Variants in KCNMA1 observed in about 807,000 individuals in gnomAD.
KCNMA1 encodes the protein potassium calcium-activated channel subfamily M alpha 1.
Under a neutral mutation model 140.0 loss-of-function variants are expected in KCNMA1, and 29 were observed. The observed-to-expected ratio is 0.21, with a 90% CI of 0.15 to 0.28. The LOEUF (loss-of-function observed/expected upper bound fraction) is 0.28. KCNMA1 is among the 10% of genes least tolerant of loss of function. KCNMA1 has a pLI of 1.00. For missense variants in KCNMA1, 880 were observed against 1,602.2 expected (o/e 0.55, Z 7.70); for synonymous variants, 612 against 611.9 (o/e 1.00, Z 0.00).
intron 1 of KCNMA1, among the ~76,000 whole-genome samples, chr10:77,616,020 C>A (rs527693882): frequency 2.0e-5 from 3 of 152,310 alleles, no homozygotes; most frequent in African/African-American, 2.4e-5. Flanking sequence ...AGAAAGTGAG[C>A]TTTGCAAGGT....
intron 2 of KCNMA1, among the ~76,000 whole-genome samples, chr10:77,318,726 G>A (rs1361061712): frequency 6.6e-6 from 1 of 152,178 alleles, no homozygotes; most frequent in Non-Finnish European, 1.5e-5. Context: ...CCACCTCTTG[G>A]TATCTTGGTG....
chr10:77,331,030 A>C (rs1465494033), intron 2 of KCNMA1, among the ~76,000 whole-genome samples: 1 of 152,094 alleles, frequency 6.6e-6, no homozygotes, highest in African/African-American at 2.4e-5. Flanking sequence ...ACAGAGCCAC[A>C]CGGAATCTAA....
intron 1 of KCNMA1, among the ~76,000 whole-genome samples, chr10:77,534,487 TTCTC>T (rs1460351102): frequency 1.3e-5 from 2 of 152,196 alleles, no homozygotes; most frequent in African/African-American, 4.8e-5. Flanking sequence ...ACGAGGTCCT[TTCTC>T]TATCCACGTT....
Position 77,010,108 on chromosome 10 carries a change from G to A in KCNMA1, c.2092+1859C>T, listed in dbSNP as rs890541854. ...TTCCTTGATACTCTGTGGGATGAGGGTCTGGCAAATATCCTGTCAGGGGTT... is the reference window on the plus strand; with the variant it reads ...TTCCTTGATACTCTGTGGGATGAGGATCTGGCAAATATCCTGTCAGGGGTT... On this transcript the variant is annotated intron_variant, in intron 18 of 27. Coordinates refer to ENST00000286628, the MANE Select transcript of KCNMA1 (RefSeq NM_001161352.2). Among the ~76,000 whole-genome samples the A allele has an allele frequency of 3.3e-5, 5 of 152,154 alleles. No individual in the cohort carries two copies. In the East Asian group the frequency reaches 7.7e-4, roughly 23 times the overall value.
intron 3 of KCNMA1, among the ~76,000 whole-genome samples, chr10:77,186,371 C>CAAA (rs528329118): frequency 3.7e-5 from 5 of 136,314 alleles, no homozygotes; most frequent in African/African-American, 1.3e-4. Flanking sequence ...CAAAAAAAAA[C>CAAA]AAAAAACAAA....
intron 5 of KCNMA1, among the ~76,000 whole-genome samples, chr10:77,180,278 TG>T (rs2098792912): frequency 2.6e-5 from 4 of 152,336 alleles, no homozygotes; most frequent in Admixed American, 2.6e-4. Context: ...TCATATCTCA[TG>T]GGAATGTTCA....
At chr10:76,921,483 C>T (rs912368645) in intron 23 of KCNMA1, among the ~76,000 whole-genome samples, 8 of 152,158 alleles carry the variant, frequency 5.3e-5, no homozygotes, top group Admixed American at 4.6e-4. Flanking sequence ...TTGGCAACTG[C>T]TGAAACATAA....
intron 5 of KCNMA1, among the ~76,000 whole-genome samples, chr10:77,127,659 G>GAA (rs397804053): frequency 6.6e-6 from 1 of 151,598 alleles, no homozygotes; most frequent in Non-Finnish European, 1.5e-5. Flanking sequence ...GGAGGGGAAA[G>GAA]GGAGAGAACG....
chr10:77,047,488 G>A (rs1279355617), intron 14 of KCNMA1, among the ~76,000 whole-genome samples: 1 of 151,946 alleles, frequency 6.6e-6, no homozygotes, highest in African/African-American at 2.4e-5. Context: ...AGGAACTGAA[G>A]GTAAAGGAAG....
intron 1 of KCNMA1, among the ~76,000 whole-genome samples, chr10:77,446,511 G>A (rs1268315845): frequency 6.6e-6 from 1 of 152,230 alleles, no homozygotes; most frequent in East Asian, 1.9e-4. Flanking sequence ...AGATTCTCAA[G>A]GCCCCGGTCA....
chr10:77,339,295 C>G (rs539516274), intron 2 of KCNMA1, among the ~76,000 whole-genome samples: 2 of 152,160 alleles, frequency 1.3e-5, no homozygotes, highest in African/African-American at 4.8e-5. Flanking sequence ...TTAGAAAATT[C>G]TGCCAAACCC....
Position 76,885,907 on chromosome 10 carries a change from C to G in KCNMA1, c.*1359G>C, listed in dbSNP as rs1321203226. 2 of 985,332 alleles carry G rather than the reference C, an allele frequency of 2.0e-6. No homozygotes were observed. The highest frequency in any genetic ancestry group is 1.2e-4 in the Admixed American group (2 of 16,270). 61.0% of individuals were successfully genotyped at this position (985,332 alleles called of 1,614,324 possible). A position where few individuals can be genotyped will look rare whatever the true frequency, so the allele number is the denominator to read the frequency against. ...GTGTTTGGCTCACTGTTGCACTCTT[C>G]TTATCCCACGTCTCATAATGACAAG... On this transcript the variant is annotated 3_prime_UTR_variant, in exon 28 of 28. Transcript: ENST00000286628.
At chr10:77,448,375 G>C (rs1040178623) in intron 1 of KCNMA1, among the ~76,000 whole-genome samples, 2 of 152,194 alleles carry the variant, frequency 1.3e-5, no homozygotes, top group Non-Finnish European at 2.9e-5. Flanking sequence ...GGGTACACAT[G>C]ACACAGAGAA....
intron 1 of KCNMA1, among the ~76,000 whole-genome samples, chr10:77,567,585 G>A (rs1044934470): frequency 1.3e-5 from 2 of 152,192 alleles, no homozygotes; most frequent in East Asian, 1.9e-4. Context: ...GGAAAGTAAA[G>A]GCTAAAGGGA....
At chr10:77,013,849 T>C (rs1284327141) in intron 17 of KCNMA1, among the ~76,000 whole-genome samples, 2 of 152,166 alleles carry the variant, frequency 1.3e-5, no homozygotes, top group African/African-American at 2.4e-5. Context: ...TGAATTCACA[T>C]AGCCTGGCAC....
Position 76,949,285 on chromosome 10 carries a change from C to T in KCNMA1, c.2566G>A (p.Gly856Ser), listed in dbSNP as rs1407569628. Residue 856 changes from glycine (G) to serine (S), a missense_variant, in exon 22 of 28, where the codon GGC becomes AGC. Gly to Ser is a moderately conservative substitution (Grantham distance 56). Transcript: ENST00000286628. ...IFGDVSSALI[G>S]LRNLVMPLRA... ...AGCGGCATCACCAGGTTCCGGAGGCCGATCAGGGCTGAGCTGACGTCGCCA... is the reference window on the plus strand; with the variant it reads ...AGCGGCATCACCAGGTTCCGGAGGCTGATCAGGGCTGAGCTGACGTCGCCA... The T allele has an allele frequency of 3.1e-6, 5 of 1,613,936 alleles. No homozygotes were observed. The highest frequency in any genetic ancestry group is 3.4e-6 in the Non-Finnish European group (4 of 1,180,022).
At chr10:77,358,409 C>A (rs2093678072) in intron 2 of KCNMA1, among the ~76,000 whole-genome samples, 1 of 152,094 alleles carries the variant, frequency 6.6e-6, no homozygotes, top group Non-Finnish European at 1.5e-5. Flanking sequence ...CTTCTCACAC[C>A]CACCCATTAG....
At chr10:77,361,730 A>G (rs1052714497) in intron 2 of KCNMA1, among the ~76,000 whole-genome samples, 3 of 152,222 alleles carry the variant, frequency 2.0e-5, no homozygotes, top group Non-Finnish European at 4.4e-5. Context: ...TCCAGTTGGG[A>G]GTGGCCCAGG....
intron 4 of KCNMA1, 69 bp downstream of exon 4, chr10:77,184,754 G>A (rs1565068283): frequency 1.0e-6 from 1 of 961,394 alleles, no homozygotes. Context: ...CAGAGGCTGA[G>A]GGGGATGATC....
Sources: gnomAD v4.1 joint callset for allele counts (sites outside exome capture counted in the v4.1 genomes callset) on GRCh38, gnomAD v4.1.1 for gene constraint, MANE v1.5 for transcripts, NCBI Gene and HGNC (gene_info 2026-07-23, HGNC 2026-07-21) for gene names.